Variants in GPC6 observed in about 807,000 individuals in gnomAD.
GPC6 encodes the protein glypican-6.
In GPC6, 14 loss-of-function variants were observed where a neutral mutation model predicts 55.2. The ratio of observed to expected loss-of-function variants is 0.25; its 90% CI spans 0.17 to 0.40. GPC6 has a LOEUF of 0.40. Among genes scored for constraint, GPC6 ranks in the 10% least tolerant of loss-of-function variants. The pLI is 1.00. For synonymous variants in GPC6, 278 were observed against 259.6 expected, an observed-to-expected ratio of 1.07 and a Z score of -0.68; for missense variants, 641 against 708.5, an observed-to-expected ratio of 0.90 and a Z score of 1.08.
chr13:93,266,813 T>G (rs1877340029), intron 1 of GPC6, among the ~76,000 whole-genome samples: 1 of 152,136 alleles, frequency 6.6e-6, no homozygotes, highest in African/African-American at 2.4e-5. Flanking sequence ...GCAGAAATAA[T>G]AGAGAATTAC....
intron 2 of GPC6, among the ~76,000 whole-genome samples, chr13:93,663,058 GTT>G (rs1880988449): frequency 7.4e-6 from 1 of 134,636 alleles, no homozygotes; most frequent in Non-Finnish European, 1.6e-5. Context: ...ATTAACAAAT[GTT>G]TACTTTGAAA....
intron 2 of GPC6, among the ~76,000 whole-genome samples, chr13:93,764,015 C>T (rs1885035310): frequency 6.6e-6 from 1 of 152,192 alleles, no homozygotes; most frequent in Middle Eastern, 3.4e-3. Context: ...CAGATCGGAT[C>T]TACTGATTCC....
At chr13:93,552,807 T>G (rs559401330) in intron 2 of GPC6, among the ~76,000 whole-genome samples, 2 of 152,360 alleles carry the variant, frequency 1.3e-5, no homozygotes, top group African/African-American at 4.8e-5. Flanking sequence ...GTAATGAATG[T>G]TAATGAGCAG....
At chr13:93,401,155 CGTGTGTGTGTGT>C (rs5805802) in intron 1 of GPC6, among the ~76,000 whole-genome samples, 1,497 of 143,166 alleles carry the variant, frequency 0.01, 8 homozygotes, top group Non-Finnish European at 0.014. Flanking sequence ...AGGTATTTGT[CGTGTGTGTGTGT>C]GTGTGTGTGT....
chr13:93,997,573 G>A (rs1276675202), intron 3 of GPC6, among the ~76,000 whole-genome samples: 2 of 92,184 alleles, frequency 2.2e-5, no homozygotes, highest in Non-Finnish European at 4.5e-5. Flanking sequence ...AGCATAAAAA[G>A]ACATAATATG....
chr13:93,319,422 G>A (rs1373998796), intron 1 of GPC6, among the ~76,000 whole-genome samples: 1 of 152,078 alleles, frequency 6.6e-6, no homozygotes, highest in Admixed American at 6.6e-5. Context: ...GCTTAAATAA[G>A]CAAGAGAGAA....
intron 2 of GPC6, among the ~76,000 whole-genome samples, chr13:93,645,037 A>G (rs1206101361): frequency 6.6e-6 from 1 of 152,104 alleles, no homozygotes; most frequent in East Asian, 1.9e-4. Context: ...GGGAAGAACT[A>G]GAACTGGAAA....
rs191928974 is a variant in GPC6, at chr13:94,117,046, A to G, written c.877+89152A>G. On this transcript the variant is annotated intron_variant, in intron 4 of 8. Transcript: ENST00000377047. The stretch of plus-strand genomic sequence containing the variant: ...ATTACTTGAGCATTGGAGTATTTCA[A>G]TTACCCTTGCAGTGCACTAAGGAGC... 7.3e-4 allele frequency among the ~76,000 whole-genome samples: 111 copies of G among 152,172 alleles called. 1 individual carries two copies. The highest frequency in any genetic ancestry group is 1.3e-3 in the Non-Finnish European group (85 of 67,974).
intron 1 of GPC6, among the ~76,000 whole-genome samples, chr13:93,362,232 C>T (rs2139178792): frequency 6.6e-6 from 1 of 152,286 alleles, no homozygotes; most frequent in Admixed American, 6.5e-5. Context: ...ATTGTCTCTG[C>T]CCAGTTCTTC....
chr13:93,225,723 AT>A (rs1437474869), upstream of GPC6, among the ~76,000 whole-genome samples: 1 of 152,162 alleles, frequency 6.6e-6, no homozygotes, highest in African/African-American at 2.4e-5. Context: ...AAACTCAAAG[AT>A]TTAAACTTCA....
intron 1 of GPC6, among the ~76,000 whole-genome samples, chr13:93,345,295 A>G (rs1361599023): frequency 3.3e-5 from 5 of 152,122 alleles, no homozygotes; most frequent in Non-Finnish European, 5.9e-5. Flanking sequence ...GGGTTGTTAA[A>G]AGGATTCAGT....
intron 3 of GPC6, among the ~76,000 whole-genome samples, chr13:93,842,599 T>C (rs1022618416): frequency 6.6e-6 from 1 of 152,160 alleles, no homozygotes; most frequent in Non-Finnish European, 1.5e-5. Flanking sequence ...TGATTGCTTG[T>C]GTTTGTCACT....
chr13:93,735,331 G>A (rs1002598715), intron 2 of GPC6, among the ~76,000 whole-genome samples: 2 of 151,978 alleles, frequency 1.3e-5, no homozygotes, highest in Non-Finnish European at 2.9e-5. Flanking sequence ...TCAGGAGTTC[G>A]AGACCAGCCT....
intron 1 of GPC6, among the ~76,000 whole-genome samples, chr13:93,431,605 C>T (rs1390746011): frequency 6.6e-6 from 1 of 152,014 alleles, no homozygotes; most frequent in Admixed American, 6.6e-5. Context: ...GTTTATATTA[C>T]ATTCAAAACA....
In GPC6 at chr13:93,496,413, G is replaced by C. The variant is rs141479049; in HGVS notation, c.161-48850G>C. Among the ~76,000 whole-genome samples the C allele has an allele frequency of 5.3e-3, 810 of 152,286 alleles. 7 individuals carry two copies. Among genetic ancestry groups the C allele is most frequent in the African/African-American group, 0.018 (758 of 41,570 alleles). ...ACCCACTGGCCTGCGCCCACTGTCT[G>C]GCACTCCCTAGGGAGATGAACCCAT... On this transcript the variant is annotated intron_variant, in intron 1 of 8. Coordinates refer to ENST00000377047, the MANE Select transcript of GPC6 (RefSeq NM_005708.5).
intron 3 of GPC6, among the ~76,000 whole-genome samples, chr13:93,831,684 A>G (rs1476507057): frequency 6.6e-6 from 1 of 152,078 alleles, no homozygotes; most frequent in Non-Finnish European, 1.5e-5. Flanking sequence ...TAAATTGTTA[A>G]TTTCCTAAAC....
chr13:93,541,652 A>G (rs1197990524), intron 1 of GPC6, among the ~76,000 whole-genome samples: 3 of 130,726 alleles, frequency 2.3e-5, no homozygotes, highest in Non-Finnish European at 3.2e-5. Context: ...AACAGTGTAA[A>G]AGTGTTCCTA....
At chr13:94,205,919 A>T (rs536047815) in intron 4 of GPC6, among the ~76,000 whole-genome samples, 5 of 152,200 alleles carry the variant, frequency 3.3e-5, no homozygotes, top group Admixed American at 6.5e-5. Flanking sequence ...GACGTTTGGC[A>T]GTGCCTGGAG....
intron 3 of GPC6, among the ~76,000 whole-genome samples, chr13:93,949,666 A>G (rs1236005180): frequency 6.6e-6 from 1 of 152,134 alleles, no homozygotes; most frequent in Non-Finnish European, 1.5e-5. Flanking sequence ...AGTATAATGG[A>G]GGTTACCAGG....
Sources: gnomAD v4.1 joint callset for allele counts (sites outside exome capture counted in the v4.1 genomes callset) on GRCh38, gnomAD v4.1.1 for gene constraint, MANE v1.5 for transcripts, NCBI Gene and HGNC (gene_info 2026-07-23, HGNC 2026-07-21) for gene names.